Variants in FLT4 observed in about 807,000 individuals in gnomAD.
The protein encoded by FLT4 is fms related receptor tyrosine kinase 4.
A neutral mutation model predicts 163.2 loss-of-function variants in FLT4; 30 were observed. The observed-to-expected ratio is 0.18, with a 90% confidence interval of 0.14 to 0.25. The LOEUF is 0.25. FLT4 is among the 10% of genes least tolerant of loss of function. The pLI is 1.00. For synonymous variants in FLT4, 884 were observed against 789.5 expected, an observed-to-expected ratio of 1.12 and a Z score of -2.01; for missense variants, 1,510 against 1,863.8, an observed-to-expected ratio of 0.81 and a Z score of 3.50.
chr5:180,608,145 G>C, intron 29 of FLT4: 2 of 700,420 alleles, frequency 2.9e-6, no homozygotes, highest in Non-Finnish European at 5.2e-6. Context: ...TGCTCCTCTT[G>C]TCCTCCTGGT....
intron 2 of FLT4, 131 bp downstream of exon 2, chr5:180,631,551 C>T (rs1049063317): frequency 2.7e-6 from 2 of 742,938 alleles, no homozygotes; most frequent in Admixed American, 1.9e-5. Flanking sequence ...CCTGGGAGAC[C>T]ACACGGCCCC....
At chr5:180,626,066 C>A in intron 9 of FLT4, 35 bp from the exon 10 acceptor site, 1 of 1,612,720 alleles carries the variant, frequency 6.2e-7, no homozygotes. Context: ...AGCTGGCCTC[C>A]AATGCCAGGC....
intron 7 of FLT4, 107 bp from the exon 8 acceptor site, chr5:180,629,106 T>C (rs2127833811): frequency 7.0e-7 from 1 of 1,435,746 alleles, no homozygotes; most frequent in Non-Finnish European, 9.8e-7. Context: ...ATCCGCAGAC[T>C]GGGGCTGGCC....
chr5:180,646,629 C>T (rs974908792), intron 1 of FLT4, among the ~76,000 whole-genome samples: 2 of 152,198 alleles, frequency 1.3e-5, no homozygotes, highest in African/African-American at 4.8e-5. Context: ...CACTTTCATC[C>T]CTGGGCAATA....
intron 26 of FLT4, chr5:180,611,780 G>A: frequency 4.0e-6 from 2 of 501,794 alleles, no homozygotes; most frequent in Non-Finnish European, 7.3e-6. Context: ...AGACAGATAA[G>A]GGGTCAAGGT....
In FLT4 at chr5:180,620,740, G is replaced by C; in HGVS notation, c.2300-25C>G. The C allele has an allele frequency of 4.3e-6, 4 of 929,586 alleles. No homozygotes were observed. The highest frequency in any genetic ancestry group is 5.8e-6 in the Non-Finnish European group (4 of 694,802). The allele number at this position is 929,586 out of a possible 1,614,324, so 57.6% of individuals were successfully genotyped here. ...CCTGCGTGGGCAGAAAGGGGCCGGC[G>C]TGTGTGTGTGTGTGTGTAAGAGCGT... On this transcript the variant is annotated intron_variant, in intron 15 of 29. Transcript: ENST00000261937. This position sits in a 1 kb window ranked among gnomAD's most constrained non-coding sequence, Gnocchi z 4.4.
intron 10 of FLT4, among the ~76,000 whole-genome samples, chr5:180,624,925 C>T (rs913101627): frequency 6.6e-6 from 1 of 152,240 alleles, no homozygotes; most frequent in Non-Finnish European, 1.5e-5. Flanking sequence ...TCACTTGGCA[C>T]AGAGCATACA....
At position 180,616,966 on chromosome 5, in the gene FLT4, G is replaced by T; in HGVS notation, c.3030C>A (p.Thr1010=). 9 of 1,613,312 alleles carry T rather than the reference G, an allele frequency of 5.6e-6. No individual in the cohort carries two copies. The highest frequency in any genetic ancestry group is 7.6e-6 in the Non-Finnish European group (9 of 1,179,928). Residue 1010 remains threonine (T), a synonymous_variant, in exon 22 of 30, where the codon ACC becomes ACA. Coordinates refer to ENST00000261937, the MANE Select transcript of FLT4 (RefSeq NM_182925.5). ...EAEDLWLSPL[T]MEDLVCYSFQ... ...AGCTGTAGCAGACAAGATCTTCCAT[G>T]GTCAGCGGGCTCAGCCACAGGTCCT... is the stretch of plus-strand genomic sequence containing the variant.
Position 180,624,140 on chromosome 5 carries a change from T to C in FLT4, c.1422-79A>G, listed in dbSNP as rs144011364. On this transcript the variant is annotated intron_variant, in intron 10 of 29. Coordinates refer to ENST00000261937, the MANE Select transcript of FLT4 (RefSeq NM_182925.5). ...CACATGGGGGGCGGGGTCAAGCCCT[T>C]GTCATATCCAGTCACCTTCTCATAT... is the stretch of plus-strand genomic sequence containing the variant. 539 of 1,553,508 alleles carry C rather than the reference T, an allele frequency of 3.5e-4. 1 individual carries two copies. The highest frequency in any genetic ancestry group is 6.8e-4 in the Middle Eastern group (4 of 5,864).
intron 1 of FLT4, among the ~76,000 whole-genome samples, chr5:180,638,021 G>C (rs1025745513): frequency 6.6e-6 from 1 of 152,100 alleles, no homozygotes; most frequent in Non-Finnish European, 1.5e-5. Flanking sequence ...ATGACCTCCA[G>C]GCTGCAGACC....
rs307818 is a variant in FLT4 at position 180,631,451 on chromosome 5, T to C, written c.155+231A>G. Among the ~76,000 whole-genome samples, 141,885 of 151,486 alleles carry C rather than the reference T, an allele frequency of 0.94. 67,154 individuals carry two copies. The highest frequency in any genetic ancestry group is 1 in the East Asian group (5,112 of 5,114). ...TCGCACCACTGCACTCCAGCCTGGG[T>C]GACAGAGTGAGACTCCATCTCAGAA... On this transcript the variant is annotated intron_variant, in intron 2 of 29. Coordinates refer to ENST00000261937, the MANE Select transcript of FLT4 (RefSeq NM_182925.5).
At chr5:180,627,727 C>T (rs372198753) in intron 8 of FLT4, among the ~76,000 whole-genome samples, 8 of 152,164 alleles carry the variant, frequency 5.3e-5, no homozygotes, top group African/African-American at 1.2e-4. Context: ...AGACCCTGGA[C>T]GCAACAGAGC....
intron 10 of FLT4, 120 bp downstream of exon 10, chr5:180,625,749 G>A (rs1439986265): frequency 2.2e-6 from 2 of 913,306 alleles, no homozygotes; most frequent in Non-Finnish European, 3.5e-6. Context: ...TTCAGAGCAG[G>A]GCCCTGAGAA....
In FLT4 at chr5:180,601,607, T is replaced by C. The variant is rs1761517905; in HGVS notation, c.*1585A>G. ...TGGTCTAGAAGGGCATAGTAGTTTTTTTCCCGGTACATGCGTGGGTGGGTA... is the reference window on the plus strand; with the variant it reads ...TGGTCTAGAAGGGCATAGTAGTTTTCTTCCCGGTACATGCGTGGGTGGGTA... On this transcript the variant is annotated 3_prime_UTR_variant, in exon 30 of 30. Coordinates refer to ENST00000261937, the MANE Select transcript of FLT4 (RefSeq NM_182925.5). The C allele has an allele frequency of 4.3e-6, 1 of 233,172 alleles. No homozygotes were observed. The highest frequency in any genetic ancestry group is 2.2e-5 in the African/African-American group (1 of 45,332). 14.4% of individuals were successfully genotyped at this position (233,172 alleles called of 1,614,324 possible).
At chr5:180,635,079 A>T (rs186826451) in intron 1 of FLT4, among the ~76,000 whole-genome samples, 88 of 256 alleles carry the variant, frequency 0.34, 20 homozygotes, top group African/African-American at 0.45. Flanking sequence ...TATGGGTGGG[A>T]GGGTGGGTGG....
intron 1 of FLT4, among the ~76,000 whole-genome samples, chr5:180,641,250 G>A (rs532938587): frequency 4.3e-4 from 66 of 152,320 alleles, no homozygotes; most frequent in African/African-American, 1.4e-3. Flanking sequence ...GTCATCAAGC[G>A]GCTCCTGGGC....
At chr5:180,607,911 G>T in intron 29 of FLT4, 1 of 593,354 alleles carries the variant, frequency 1.7e-6, no homozygotes. Context: ...CATAAGGGCC[G>T]CTTGAGGGCT....
chr5:180,616,298 G>A, intron 23 of FLT4, 69 bp downstream of exon 23: 1 of 1,603,906 alleles, frequency 6.2e-7, no homozygotes, highest in Non-Finnish European at 8.5e-7. Flanking sequence ...CTCCTGGACA[G>A]GCAGTCTGTG....
At position 180,619,695 on chromosome 5, in the gene FLT4, A is replaced by T; in HGVS notation, c.2617T>A (p.Cys873Ser). The change falls in exon 18 of 30, where the codon TGT becomes AGT. Residue 873 changes from cysteine to serine, a missense_variant. Around this residue, in one of 5 missense-constraint regions of FLT4, gnomAD observed 878 missense variants for 1,016.7 expected, o/e 0.86. Transcript: ENST00000261937. ...SAFGIHKGSS[C>S]DTVAVKMLKE... ...AGCATTTTCACGGCCACGGTGTCAC[A>T]GCTGCTGCCCTTGTGGATGCCGAAA... is the stretch of plus-strand genomic sequence containing the variant. 1 of 1,612,660 alleles carries T rather than the reference A, an allele frequency of 6.2e-7. No homozygotes were observed. Among genetic ancestry groups the T allele is most frequent in the Non-Finnish European group, 8.5e-7 (1 of 1,179,880 alleles).
Sources: gnomAD v4.1 joint callset for allele counts (sites outside exome capture counted in the v4.1 genomes callset) on GRCh38, gnomAD v4.1.1 for gene constraint, gnomAD v4.1.1 regional missense constraint, Gnocchi (gnomAD v3.1) non-coding constraint, MANE v1.5 for transcripts, NCBI Gene and HGNC (gene_info 2026-07-23, HGNC 2026-07-21) for gene names.